Variants in DCC observed in about 807,000 individuals in gnomAD.
DCC encodes netrin receptor DCC.
In DCC, 58 loss-of-function variants were observed where a neutral mutation model predicts 172.5. The observed-to-expected ratio is 0.34, with a 90% CI of 0.27 to 0.42. The LOEUF (loss-of-function observed/expected upper bound fraction) is 0.42. DCC is among the 10% of genes least tolerant of loss of function. The pLI is 1.00. For missense variants in DCC, 1,740 were observed against 1,791.0 expected (o/e 0.97, Z 0.51); for synonymous variants, 709 against 644.5 (o/e 1.10, Z -1.52).
At chr18:53,222,370 CTTTTTCTTTTTTCTTTTTT>C (rs1481674622) in intron 12 of DCC, among the ~76,000 whole-genome samples, 1 of 125,284 alleles carries the variant, frequency 8.0e-6, no homozygotes. Context: ...TTTCTTTTTT[CTTTTTCTTTTTTCTTTTTT>C]TTTTTTTTTT....
In DCC at chr18:53,371,392, G is replaced by GA. The variant is rs199671701; in HGVS notation, c.2360-14646dup. ...AAAGAAGTGGGACTGGTGAGTGTCA[G>GA]AAAAATATTATCACTAGTCAAAAGC... On this transcript the variant is annotated intron_variant, in intron 15 of 28. Transcript: ENST00000442544. 8.1e-4 allele frequency among the ~76,000 whole-genome samples: 123 copies of GA among 152,112 alleles called. 2 individuals are homozygous for GA. In the East Asian group the frequency reaches 0.021, roughly 26 times the overall value.
intron 1 of DCC, among the ~76,000 whole-genome samples, chr18:52,718,589 G>A (rs1264898482): frequency 6.6e-6 from 1 of 152,160 alleles, no homozygotes; most frequent in African/African-American, 2.4e-5. Flanking sequence ...TAAAAGCCCT[G>A]CCTCCGTGTG....
intron 1 of DCC, among the ~76,000 whole-genome samples, chr18:52,635,645 A>C (rs2034762166): frequency 6.6e-6 from 1 of 152,200 alleles, no homozygotes; most frequent in African/African-American, 2.4e-5. Flanking sequence ...ATAAGAATCG[A>C]GTCTTTATTT....
chr18:53,503,421 T>TTTATCTATAGACGTGA (rs2046129211), intron 27 of DCC, among the ~76,000 whole-genome samples: 2 of 152,208 alleles, frequency 1.3e-5, no homozygotes, highest in African/African-American at 2.4e-5. Context: ...TTTTTAATGC[T>TTTATCTATAGACGTGA]TTATCTATAG....
At chr18:53,112,085 G>A (rs897940830) in intron 7 of DCC, among the ~76,000 whole-genome samples, 1 of 148,308 alleles carries the variant, frequency 6.7e-6, no homozygotes, top group African/African-American at 2.5e-5. Flanking sequence ...AGCCACTACA[G>A]GGGTAAAAAA....
chr18:53,366,973 T>C (rs1295070279), intron 15 of DCC, among the ~76,000 whole-genome samples: 3 of 152,206 alleles, frequency 2.0e-5, no homozygotes, highest in Admixed American at 2.0e-4. Context: ...CTCATTTCTG[T>C]TTTATTTAAG....
intron 2 of DCC, among the ~76,000 whole-genome samples, chr18:52,784,208 T>C (rs1283509178): frequency 6.6e-6 from 1 of 151,552 alleles, no homozygotes; most frequent in Non-Finnish European, 1.5e-5. Context: ...CTTATTTGAC[T>C]TAACATAGCG....
intron 12 of DCC, among the ~76,000 whole-genome samples, chr18:53,263,740 A>G (rs1280596545): frequency 6.6e-6 from 1 of 152,026 alleles, no homozygotes. Context: ...TGTCAATCAT[A>G]TACTTACTGG....
At chr18:52,967,582 C>G (rs1029525196) in intron 5 of DCC, among the ~76,000 whole-genome samples, 1 of 152,124 alleles carries the variant, frequency 6.6e-6, no homozygotes, top group Non-Finnish European at 1.5e-5. Flanking sequence ...TGTTTTGTGT[C>G]TCTCTTTCTA....
intron 21 of DCC, among the ~76,000 whole-genome samples, chr18:53,426,436 T>TA (rs1555670089): frequency 3.9e-5 from 2 of 51,210 alleles, no homozygotes; most frequent in Admixed American, 1.8e-4. Flanking sequence ...TATATTTATA[T>TA]TATTTATATA....
chr18:53,321,714 G>A (rs541857433), intron 13 of DCC, among the ~76,000 whole-genome samples: 9 of 152,090 alleles, frequency 5.9e-5, no homozygotes, highest in Non-Finnish European at 1.2e-4. Context: ...ATTTATAGAC[G>A]TGGATCTTCT....
intron 25 of DCC, among the ~76,000 whole-genome samples, chr18:53,470,626 C>T (rs2045683409): frequency 1.3e-5 from 2 of 152,144 alleles, no homozygotes; most frequent in African/African-American, 4.8e-5. Context: ...GTTTAAATGA[C>T]TGACAGTTCT....
intron 1 of DCC, among the ~76,000 whole-genome samples, chr18:52,710,728 C>T (rs2036279491): frequency 6.6e-6 from 1 of 151,950 alleles, no homozygotes; most frequent in Admixed American, 6.5e-5. Flanking sequence ...AACATAAATC[C>T]CAAAGGGAAT....
At chr18:52,726,236 A>G (rs1222898157) in intron 1 of DCC, among the ~76,000 whole-genome samples, 2 of 152,204 alleles carry the variant, frequency 1.3e-5, no homozygotes, top group African/African-American at 4.8e-5. Context: ...TGGCAATGGC[A>G]GAGATCAGGT....
At chr18:53,505,737 A>T (rs2046165479) in intron 27 of DCC, among the ~76,000 whole-genome samples, 1 of 152,204 alleles carries the variant, frequency 6.6e-6, no homozygotes, top group African/African-American at 2.4e-5. Context: ...ATAATTCGAA[A>T]CATGTAAGCT....
chr18:53,321,936 A>C (rs914673307), intron 13 of DCC, 111 bp from the exon 14 acceptor site: 4 of 769,228 alleles, frequency 5.2e-6, no homozygotes, highest in Non-Finnish European at 9.7e-6. Context: ...GTCACAAACA[A>C]TGTAAAGCAT....
chr18:53,128,302 T>C (rs902976381), intron 7 of DCC, among the ~76,000 whole-genome samples: 1 of 152,166 alleles, frequency 6.6e-6, no homozygotes, highest in African/African-American at 2.4e-5. Flanking sequence ...GTAGTCATTT[T>C]GCTAAAAATA....
intron 1 of DCC, among the ~76,000 whole-genome samples, chr18:52,624,159 C>G (rs762215766): frequency 1.3e-5 from 2 of 152,068 alleles, no homozygotes; most frequent in African/African-American, 2.4e-5. Context: ...TTCAAAGTCA[C>G]TCCATTAACC....
intron 1 of DCC, among the ~76,000 whole-genome samples, chr18:52,637,203 C>G (rs2879449): frequency 6.6e-6 from 1 of 152,172 alleles, no homozygotes; most frequent in East Asian, 1.9e-4. Flanking sequence ...TCTGACAGAG[C>G]ATACCCAAAT....
Sources: allele counts gnomAD v4.1 joint callset (sites outside exome capture counted in the v4.1 genomes callset), GRCh38; gene constraint gnomAD v4.1.1; transcripts MANE v1.5; gene names NCBI Gene and HGNC (gene_info 2026-07-23, HGNC 2026-07-21).